Variants in MIPOL1 observed in about 807,000 individuals in gnomAD.
MIPOL1 encodes the protein mirror-image polydactyly 1, also known as mirror-image polydactyly gene 1 protein.
Under a neutral mutation model 60.9 loss-of-function variants are expected in MIPOL1, and 57 were observed. The ratio of observed to expected loss-of-function variants is 0.94; its 90% CI spans 0.76 to 1.17. MIPOL1 has a LOEUF of 1.17. Among genes scored for constraint, MIPOL1 ranks in the 50% most tolerant of loss-of-function variants. The pLI is 0.00. For synonymous variants in MIPOL1, 179 were observed against 168.8 expected (o/e 1.06, Z -0.47); for missense variants, 551 against 511.6 (o/e 1.08, Z -0.74).
chr14:37,223,617 C>T (rs548027168), intron 1 of MIPOL1, among the ~76,000 whole-genome samples: 177 of 152,190 alleles, frequency 1.2e-3, no homozygotes, highest in South Asian at 4.3e-3. Context: ...ATTTTCCTGC[C>T]TCAGCCTGCC....
At chr14:37,391,207 C>T (rs528225297) in intron 10 of MIPOL1, among the ~76,000 whole-genome samples, 1 of 150,350 alleles carries the variant, frequency 6.7e-6, no homozygotes, top group Non-Finnish European at 1.5e-5. Context: ...GGCACATAAA[C>T]GTAGTTCAGA....
intron 11 of MIPOL1, among the ~76,000 whole-genome samples, chr14:37,451,237 C>A (rs2094412520): frequency 6.6e-6 from 1 of 152,042 alleles, no homozygotes; most frequent in South Asian, 2.1e-4. Context: ...TGTGTATCAC[C>A]CCCTACTTCA....
intron 1 of MIPOL1, among the ~76,000 whole-genome samples, chr14:37,242,761 G>T (rs1041364485): frequency 6.6e-6 from 1 of 152,176 alleles, no homozygotes; most frequent in Admixed American, 6.5e-5. Context: ...TTACATGTAA[G>T]TTACTGAGAT....
chr14:37,465,295 C>G, intron 11 of MIPOL1, among the ~76,000 whole-genome samples: 1 of 152,120 alleles, frequency 6.6e-6, no homozygotes, highest in South Asian at 2.1e-4. Context: ...AATCTTTAGA[C>G]AGGATTTTAG....
intron 12 of MIPOL1, chr14:37,506,507 C>G (rs897086148): frequency 6.6e-6 from 1 of 152,144 alleles, no homozygotes; most frequent in Non-Finnish European, 1.5e-5. Flanking sequence ...GGAAAGGATT[C>G]CCTATTTAAT....
intron 7 of MIPOL1, among the ~76,000 whole-genome samples, chr14:37,299,421 C>G (rs536126539): frequency 6.6e-6 from 1 of 151,102 alleles, no homozygotes; most frequent in East Asian, 2.0e-4. Flanking sequence ...CACATGTACC[C>G]TAAAACTTAA....
chr14:37,371,271 C>G (rs1411037561), intron 10 of MIPOL1, among the ~76,000 whole-genome samples: 1 of 151,908 alleles, frequency 6.6e-6, no homozygotes, highest in Non-Finnish European at 1.5e-5. Context: ...AGGTGCCCAC[C>G]ACCAAGCCTG....
intron 6 of MIPOL1, among the ~76,000 whole-genome samples, chr14:37,271,951 A>C (rs570738529): frequency 2.9e-4 from 44 of 151,602 alleles, no homozygotes; most frequent in South Asian, 4.1e-4. Context: ...TTTACTCTTT[A>C]ATTTTTTTTA....
chr14:37,369,506 C>A lies in MIPOL1; in HGVS notation c.829-11C>A, dbSNP rs753112683. On this transcript the variant is annotated splice_polypyrimidine_tract_variant and intron_variant, in intron 9 of 12. Coordinates refer to ENST00000684589, the MANE Select transcript of MIPOL1 (RefSeq NM_001388067.1). Reference sequence around the variant, plus strand: ...ACTCCTTTACTTAATGGGATTCTTCCCCTGTGGCAGTGCAAACGGTTAGAG... The same window carrying A: ...ACTCCTTTACTTAATGGGATTCTTCACCTGTGGCAGTGCAAACGGTTAGAG... 2.5e-6 allele frequency: 4 copies of A among 1,600,702 alleles called. No homozygotes were observed. The highest frequency in any genetic ancestry group is 3.4e-6 in the Non-Finnish European group (4 of 1,170,146).
chr14:37,467,039 C>G (rs974811122), intron 11 of MIPOL1, among the ~76,000 whole-genome samples: 44 of 152,302 alleles, frequency 2.9e-4, no homozygotes, highest in African/African-American at 8.9e-4. Flanking sequence ...TCATTAGCTA[C>G]ATTTTTTGAA....
At chr14:37,429,243 G>T (rs187638057) in intron 11 of MIPOL1, among the ~76,000 whole-genome samples, 1 of 152,044 alleles carries the variant, frequency 6.6e-6, no homozygotes, top group African/African-American at 2.4e-5. Context: ...TGCCTGTTTC[G>T]ATGTTTGCTG....
intron 11 of MIPOL1, among the ~76,000 whole-genome samples, chr14:37,434,911 A>G (rs1219018545): frequency 6.6e-6 from 1 of 151,852 alleles, no homozygotes; most frequent in African/African-American, 2.4e-5. Flanking sequence ...TTGATCAAAT[A>G]TCTCATTACC....
chr14:37,298,030 A>C (rs1276874839), intron 7 of MIPOL1, among the ~76,000 whole-genome samples: 1 of 152,178 alleles, frequency 6.6e-6, no homozygotes, highest in African/African-American at 2.4e-5. Flanking sequence ...TGGAGGCATC[A>C]TGCTACCTGA....
At chr14:37,546,805 G>T in intron 12 of MIPOL1, 100 bp from the exon 13 acceptor site, 1 of 896,508 alleles carries the variant, frequency 1.1e-6, no homozygotes, top group Non-Finnish European at 1.8e-6. Flanking sequence ...CGTGAGGACT[G>T]CTTGGTCACA....
intron 11 of MIPOL1, among the ~76,000 whole-genome samples, chr14:37,483,238 G>A (rs947437733): frequency 7.9e-5 from 12 of 151,166 alleles, no homozygotes; most frequent in South Asian, 4.2e-4. Context: ...TCAGCCTCCC[G>A]AGTAGCTGGG....
intron 10 of MIPOL1, chr14:37,397,053 G>A (rs1184013905): frequency 6.6e-6 from 1 of 152,152 alleles, no homozygotes; most frequent in Non-Finnish European, 1.5e-5. Context: ...TTAAGAGTTT[G>A]TTTTGTCATA....
chr14:37,427,940 T>A (rs1486927746), intron 11 of MIPOL1, among the ~76,000 whole-genome samples: 1 of 152,172 alleles, frequency 6.6e-6, no homozygotes, highest in South Asian at 2.1e-4. Context: ...TCAGATAGAT[T>A]AAATGGATAG....
At chr14:37,493,647 A>G (rs1383386653) in intron 11 of MIPOL1, among the ~76,000 whole-genome samples, 1 of 152,218 alleles carries the variant, frequency 6.6e-6, no homozygotes, top group East Asian at 1.9e-4. Flanking sequence ...TTAAAGTTTT[A>G]CTTTCTACAC....
chr14:37,484,337 C>CTTTTTTTTTTTTTT (rs71449995), intron 11 of MIPOL1, among the ~76,000 whole-genome samples: 1 of 116,438 alleles, frequency 8.6e-6, no homozygotes, highest in Non-Finnish European at 1.7e-5. Context: ...AATGTTAGAT[C>CTTTTTTTTTTTTTT]TTTTTTTTTT....
Sources: gnomAD v4.1 joint callset for allele counts (sites outside exome capture counted in the v4.1 genomes callset) on GRCh38, gnomAD v4.1.1 for gene constraint, MANE v1.5 for transcripts, NCBI Gene and HGNC (gene_info 2026-07-23, HGNC 2026-07-21) for gene names.